GRK3: variants seen among roughly 807,000 people sequenced by gnomAD.
The protein encoded by GRK3 is adrenergic, beta, receptor kinase 2.
A neutral mutation model predicts 95.7 loss-of-function variants in GRK3; 54 were observed. The ratio of observed to expected loss-of-function variants is 0.56; its 90% CI spans 0.45 to 0.71. The LOEUF (loss-of-function observed/expected upper bound fraction) is 0.71. Among genes scored for constraint, GRK3 ranks in the 30% least tolerant of loss-of-function variants. The pLI, the probability that GRK3 is intolerant of heterozygous loss-of-function variation, is 0.00. For missense variants in GRK3, 649 were observed against 851.2 expected (o/e 0.76, Z 2.96); for synonymous variants, 281 against 290.8 (o/e 0.97, Z 0.34).
At chr22:25,659,612 G>A (rs2084896910) in intron 3 of GRK3, among the ~76,000 whole-genome samples, 1 of 152,300 alleles carries the variant, frequency 6.6e-6, no homozygotes, top group Admixed American at 6.5e-5. Flanking sequence ...AACTTCCGGG[G>A]TCAGAGATGG....
At chr22:25,612,131 C>G (rs2084502886) in intron 2 of GRK3, among the ~76,000 whole-genome samples, 1 of 152,242 alleles carries the variant, frequency 6.6e-6, no homozygotes, top group African/African-American at 2.4e-5. Context: ...CCAAGCCCGG[C>G]CTTTAGTGTC....
chr22:25,577,356 G>A (rs550389545), intron 1 of GRK3, among the ~76,000 whole-genome samples: 8 of 152,064 alleles, frequency 5.3e-5, no homozygotes, highest in African/African-American at 1.9e-4. Context: ...TCTACTTTTT[G>A]TAGAGACAGG....
At chr22:25,589,659 C>T (rs1164868444) in intron 1 of GRK3, among the ~76,000 whole-genome samples, 3 of 152,174 alleles carry the variant, frequency 2.0e-5, no homozygotes, top group African/African-American at 7.2e-5. Context: ...ATTTACAGAA[C>T]GAGAGAATAG....
rs1057088796 is a variant in GRK3, at chr22:25,728,657, G to A, written c.*6207G>A. Reference sequence around the variant, plus strand: ...AGGCCACCTTCACTCTTTGAAAAAGGCAAGCTGTGCTTAGAAACACTGCTT... The same window carrying A: ...AGGCCACCTTCACTCTTTGAAAAAGACAAGCTGTGCTTAGAAACACTGCTT... On this transcript the variant is annotated 3_prime_UTR_variant, in exon 21 of 21. Coordinates refer to ENST00000324198, the MANE Select transcript of GRK3 (RefSeq NM_005160.4). 1 of 152,176 alleles carries A rather than the reference G, an allele frequency of 6.6e-6. No individual in the cohort carries two copies. Among genetic ancestry groups the A allele is most frequent in the Non-Finnish European group, 1.5e-5 (1 of 68,034 alleles). 9.4% of individuals were successfully genotyped at this position (152,176 alleles called of 1,614,324 possible).
rs1409019727 is a variant in GRK3 at position 25,726,548 on chromosome 22, T to A, written c.*4098T>A. ...GGAGATGATTTGGGCTTCACTGGGA[T>A]CTGTGACAGGTGGGGGCTGGGCTGG... On this transcript the variant is annotated 3_prime_UTR_variant, in exon 21 of 21. Transcript: ENST00000324198. The A allele has an allele frequency of 6.6e-6, 1 of 152,192 alleles. No individual in the cohort carries two copies. Among genetic ancestry groups the A allele is most frequent in the Non-Finnish European group, 1.5e-5 (1 of 68,042 alleles). 9.4% of individuals were successfully genotyped at this position (152,192 alleles called of 1,614,324 possible). A position where few individuals can be genotyped will look rare whatever the true frequency, so the allele number is the denominator to read the frequency against.
At chr22:25,677,235 G>C (rs960534620) in intron 8 of GRK3, among the ~76,000 whole-genome samples, 1 of 151,742 alleles carries the variant, frequency 6.6e-6, no homozygotes, top group African/African-American at 2.4e-5. Context: ...CCTGGTGACA[G>C]GTGCCTGTAG....
intron 2 of GRK3, among the ~76,000 whole-genome samples, chr22:25,605,624 G>A (rs552543621): frequency 3.9e-5 from 6 of 152,366 alleles, no homozygotes; most frequent in Middle Eastern, 3.4e-3. Flanking sequence ...AAAGTAAACA[G>A]TTGAGTGACT....
At chr22:25,636,076 A>G (rs1223007537) in intron 2 of GRK3, among the ~76,000 whole-genome samples, 1 of 152,126 alleles carries the variant, frequency 6.6e-6, no homozygotes, top group Admixed American at 6.5e-5. Context: ...GTTCCTGTTC[A>G]TATAGCTCCA....
intron 13 of GRK3, among the ~76,000 whole-genome samples, chr22:25,699,017 G>A (rs1263319962): frequency 4.6e-5 from 7 of 152,150 alleles, no homozygotes; most frequent in Admixed American, 2.6e-4. Context: ...TAAAATCAGC[G>A]TCTGTAAAAT....
At chr22:25,666,268 A>G (rs2084941159) in intron 5 of GRK3, among the ~76,000 whole-genome samples, 1 of 152,224 alleles carries the variant, frequency 6.6e-6, no homozygotes, top group African/African-American at 2.4e-5. Flanking sequence ...AATTGACATA[A>G]TAGCTTTTAT....
At chr22:25,638,366 A>G (rs2084718675) in intron 2 of GRK3, among the ~76,000 whole-genome samples, 1 of 152,312 alleles carries the variant, frequency 6.6e-6, no homozygotes, top group South Asian at 2.1e-4. Context: ...AAGCAAAGAT[A>G]TTTGCTTAAC....
In GRK3 at chr22:25,725,675, G is replaced by A. The variant is rs374651429; in HGVS notation, c.*3225G>A. ...TAAAAAGAAGGGGCTGGCCGGGCAC[G>A]ATGGCTCACGCCTATAATCCCAGCA... On this transcript the variant is annotated 3_prime_UTR_variant, in exon 21 of 21. Transcript: ENST00000324198. The A allele has an allele frequency of 1.0e-4, 40 of 398,534 alleles. No individual in the cohort carries two copies. Among genetic ancestry groups the A allele is most frequent in the South Asian group, 6.4e-4 (5 of 7,834 alleles). The allele number at this position is 398,534 out of a possible 1,614,324, so 24.7% of individuals were successfully genotyped here. A position where few individuals can be genotyped will look rare whatever the true frequency, so the allele number is the denominator to read the frequency against.
At chr22:25,595,985 A>G (rs2084369879) in intron 1 of GRK3, among the ~76,000 whole-genome samples, 1 of 152,198 alleles carries the variant, frequency 6.6e-6, no homozygotes, top group Non-Finnish European at 1.5e-5. Flanking sequence ...GTATACGTGT[A>G]TATATATGTA....
intron 2 of GRK3, among the ~76,000 whole-genome samples, chr22:25,623,741 C>T (rs993222477): frequency 6.6e-6 from 1 of 152,172 alleles, no homozygotes; most frequent in Non-Finnish European, 1.5e-5. Flanking sequence ...GGATTCAAAG[C>T]TCTGAAGCCT....
At chr22:25,679,302 G>A (rs938041430) in intron 9 of GRK3, among the ~76,000 whole-genome samples, 1 of 152,152 alleles carries the variant, frequency 6.6e-6, no homozygotes, top group Non-Finnish European at 1.5e-5. Context: ...GAAGCGAATC[G>A]AGAGAAGCGA....
chr22:25,614,040 A>T (rs1305469391), intron 2 of GRK3, among the ~76,000 whole-genome samples: 1 of 152,178 alleles, frequency 6.6e-6, no homozygotes, highest in East Asian at 1.9e-4. Context: ...ATTTTACTGG[A>T]AAAGCACAAT....
intron 1 of GRK3, 40 bp downstream of exon 1, chr22:25,565,193 C>G: frequency 8.8e-7 from 1 of 1,141,296 alleles, no homozygotes; most frequent in Non-Finnish European, 1.2e-6. Context: ...CAAGCCGCCG[C>G]CCCCTGCGGC....
chr22:25,570,888 G>A (rs1160491406), intron 1 of GRK3, among the ~76,000 whole-genome samples: 2 of 152,036 alleles, frequency 1.3e-5, no homozygotes, highest in Non-Finnish European at 2.9e-5. Context: ...TCTAATTTTG[G>A]AAGCCTTCTT....
chr22:25,609,845 C>CTT (rs980049696), intron 2 of GRK3, among the ~76,000 whole-genome samples: 31 of 127,836 alleles, frequency 2.4e-4, no homozygotes, highest in Non-Finnish European at 3.2e-4. Context: ...GCAATTTTTA[C>CTT]TTTTTTTTTT....
Sources: gnomAD v4.1 joint callset for allele counts (sites outside exome capture counted in the v4.1 genomes callset) on GRCh38, gnomAD v4.1.1 for gene constraint, MANE v1.5 for transcripts, NCBI Gene and HGNC (gene_info 2026-07-23, HGNC 2026-07-21) for gene names.